ANXA2: variants seen among roughly 807,000 people sequenced by gnomAD.
The protein encoded by ANXA2 is annexin A2.
In ANXA2, 28 loss-of-function variants were observed where a neutral mutation model predicts 47.3. That is an observed-to-expected ratio of 0.59 (90% CI 0.44 to 0.81). ANXA2 has a LOEUF of 0.81. Among genes scored for constraint, ANXA2 ranks in the 40% least tolerant of loss-of-function variants. The pLI, the probability that ANXA2 is intolerant of heterozygous loss-of-function variation, is 0.00. For synonymous variants in ANXA2, 172 were observed against 155.5 expected (o/e 1.11, Z -0.79); for missense variants, 384 against 414.3 (o/e 0.93, Z 0.64).
chr15:60,356,946 G>A (rs560282511), intron 6 of ANXA2, among the ~76,000 whole-genome samples, 200 bp downstream of exon 6: 14 of 152,332 alleles, frequency 9.2e-5, no homozygotes, highest in African/African-American at 3.4e-4. Context: ...CTAGTGGAAT[G>A]TAATAATCAA....
chr15:60,387,102 T>G (rs879427849), intron 1 of ANXA2: 1 of 152,232 alleles, frequency 6.6e-6, no homozygotes, highest in Non-Finnish European at 1.5e-5. Flanking sequence ...GTATGTGACA[T>G]AGATATTTGC....
intron 1 of ANXA2, among the ~76,000 whole-genome samples, chr15:60,395,239 G>A (rs1019095332): frequency 7.9e-5 from 12 of 152,090 alleles, no homozygotes; most frequent in African/African-American, 2.2e-4. Flanking sequence ...TTCTCTCTCC[G>A]CCAGATTTAA....
At chr15:60,373,818 G>A (rs1209202774) in intron 3 of ANXA2, among the ~76,000 whole-genome samples, 1 of 152,218 alleles carries the variant, frequency 6.6e-6, no homozygotes. Flanking sequence ...CCTTCATTCA[G>A]CTTCTCTGTC....
intron 3 of ANXA2, among the ~76,000 whole-genome samples, chr15:60,365,060 T>TTTTTTTTTTTTTTTTTTTTTTTTG (rs1555400954): frequency 1.4e-5 from 2 of 146,348 alleles, no homozygotes. Flanking sequence ...GTTGTATTTT[T>TTTTTTTTTTTTTTTTTTTTTTTTG]AATAGCATAA....
chr15:60,357,005 C>G (rs1432109361), intron 6 of ANXA2, 141 bp downstream of exon 6: 2 of 655,734 alleles, frequency 3.1e-6, no homozygotes, highest in Non-Finnish European at 5.3e-6. Context: ...CCACAGCCAA[C>G]CTTGCCTGCA....
At chr15:60,359,844 T>C (rs141246263) in intron 5 of ANXA2, among the ~76,000 whole-genome samples, 2 of 152,350 alleles carry the variant, frequency 1.3e-5, no homozygotes, top group East Asian at 3.8e-4. Context: ...TTTACCCATG[T>C]ATATCAGCAG....
chr15:60,366,268 C>G (rs1321916431), intron 3 of ANXA2, among the ~76,000 whole-genome samples: 9 of 151,410 alleles, frequency 5.9e-5, no homozygotes. Flanking sequence ...CGGCCGCCAC[C>G]CCGTCTGGGA....
At chr15:60,393,038 C>A (rs1028863958) in intron 1 of ANXA2, 7 of 1,286,326 alleles carry the variant, frequency 5.4e-6, no homozygotes, top group South Asian at 1.2e-5. Context: ...TTATCAGAAC[C>A]TTTTTGAAAG....
chr15:60,359,433 C>G (rs1000419213), intron 5 of ANXA2, among the ~76,000 whole-genome samples: 1 of 152,132 alleles, frequency 6.6e-6, no homozygotes, highest in East Asian at 1.9e-4. Context: ...TTTTCAGGAG[C>G]GCTATTTTTA....
Position 60,347,548 on chromosome 15 carries a change from G to A in ANXA2, c.*82C>T, listed in dbSNP as rs1895774341. 1.4e-6 allele frequency: 2 copies of A among 1,425,526 alleles called. No homozygotes were observed. The highest frequency in any genetic ancestry group is 1.2e-5 in the South Asian group (1 of 86,708). The allele number at this position is 1,425,526 out of a possible 1,614,324, so 88.3% of individuals were successfully genotyped here. A position where few individuals can be genotyped will look rare whatever the true frequency, so the allele number is the denominator to read the frequency against. On this transcript the variant is annotated 3_prime_UTR_variant, in exon 13 of 13. Coordinates refer to ENST00000451270, the MANE Select transcript of ANXA2 (RefSeq NM_004039.3). Reference sequence around the variant, plus strand: ...CCTCACAGGGATGGCCACGGGGACTGTTATTCGCAAGCTGGTTTTCTAGAC... The same window carrying A: ...CCTCACAGGGATGGCCACGGGGACTATTATTCGCAAGCTGGTTTTCTAGAC...
At chr15:60,390,352 C>T (rs903020025) in intron 1 of ANXA2, 9 of 803,518 alleles carry the variant, frequency 1.1e-5, no homozygotes, top group Admixed American at 2.9e-5. Context: ...CCTCCCATGC[C>T]GATAGCATTC....
intron 7 of ANXA2, among the ~76,000 whole-genome samples, chr15:60,354,832 G>A (rs189193345): frequency 1.2e-3 from 182 of 152,186 alleles, no homozygotes; most frequent in African/African-American, 3.4e-3. Context: ...TTCTCACAGA[G>A]AGCTTGCAAT....
chr15:60,390,249 T>C (rs2140934031), intron 1 of ANXA2: 2 of 1,032,360 alleles, frequency 1.9e-6, no homozygotes, highest in Middle Eastern at 4.6e-4. Context: ...CATTATCCCA[T>C]GCAGGTGCCT....
At chr15:60,385,701 C>A in intron 2 of ANXA2, 1 of 223,446 alleles carries the variant, frequency 4.5e-6, no homozygotes, top group South Asian at 1.5e-4. Context: ...GTAATAAAAT[C>A]CCAGGACATG....
intron 4 of ANXA2, chr15:60,363,144 T>G (rs1180259568): frequency 6.6e-6 from 1 of 152,072 alleles, no homozygotes; most frequent in Admixed American, 6.6e-5. Flanking sequence ...AATTTTTTGC[T>G]TGCTATCCAG....
At chr15:60,374,803 T>C in intron 3 of ANXA2, 1 of 422,688 alleles carries the variant, frequency 2.4e-6, no homozygotes, top group Non-Finnish European at 4.7e-6. Context: ...GAGAAGTCAG[T>C]CTAAAGTAAA....
intron 3 of ANXA2, among the ~76,000 whole-genome samples, chr15:60,367,268 G>T (rs2062635369): frequency 7.6e-6 from 1 of 131,614 alleles, no homozygotes; most frequent in Non-Finnish European, 1.7e-5. Context: ...GAGGGAGGTG[G>T]GGGGATCAGC....
intron 3 of ANXA2, among the ~76,000 whole-genome samples, chr15:60,371,293 G>A (rs78502385): frequency 0.024 from 3,597 of 152,324 alleles, 63 homozygotes; most frequent in East Asian, 0.073. Context: ...AATGCCACGG[G>A]GAGGTGTTGC....
chr15:60,359,722 G>T (rs904632304), intron 5 of ANXA2, among the ~76,000 whole-genome samples: 3 of 152,168 alleles, frequency 2.0e-5, no homozygotes, highest in Non-Finnish European at 4.4e-5. Context: ...CATTAGCTCT[G>T]GTGACAGGCT....
Sources: gnomAD v4.1 joint callset for allele counts (sites outside exome capture counted in the v4.1 genomes callset) on GRCh38, gnomAD v4.1.1 for gene constraint, MANE v1.5 for transcripts, NCBI Gene and HGNC (gene_info 2026-07-23, HGNC 2026-07-21) for gene names.